Variants in CDH12 observed in about 807,000 individuals in gnomAD.
CDH12 encodes the protein cadherin-12.
CDH12 carries 41 observed loss-of-function variants against 74.1 expected under a neutral mutation model. The observed-to-expected ratio is 0.55, with a 90% CI of 0.43 to 0.72. The LOEUF (loss-of-function observed/expected upper bound fraction) is 0.72. Among genes scored for constraint, CDH12 ranks in the 30% least tolerant of loss-of-function variants. The pLI is 0.00. For synonymous variants in CDH12, 399 were observed against 355.0 expected, an observed-to-expected ratio of 1.12 and a Z score of -1.39; for missense variants, 945 against 977.2, an observed-to-expected ratio of 0.97 and a Z score of 0.44.
At chr5:22,556,033 A>C (rs1738788514) in intron 1 of CDH12, among the ~76,000 whole-genome samples, 1 of 151,476 alleles carries the variant, frequency 6.6e-6, no homozygotes, top group Non-Finnish European at 1.5e-5. Flanking sequence ...AATCAGCTAC[A>C]TTCCTTTATT....
intron 6 of CDH12, among the ~76,000 whole-genome samples, chr5:21,948,187 G>A (rs1755665364): frequency 6.6e-6 from 1 of 152,186 alleles, no homozygotes; most frequent in South Asian, 2.1e-4. Context: ...TCCCCACTGG[G>A]GCACTGCCTA....
intron 4 of CDH12, among the ~76,000 whole-genome samples, chr5:22,175,615 T>C (rs58309247): frequency 0.043 from 6,517 of 152,108 alleles, 470 homozygotes; most frequent in African/African-American, 0.15. Flanking sequence ...GAAAATAAAA[T>C]AATGCAGCTA....
intron 4 of CDH12, among the ~76,000 whole-genome samples, chr5:22,140,008 C>A (rs1580311085): frequency 6.6e-6 from 1 of 152,014 alleles, no homozygotes; most frequent in South Asian, 2.1e-4. Context: ...GGCAGCTGCA[C>A]CAAACGGCCT....
intron 3 of CDH12, among the ~76,000 whole-genome samples, chr5:22,226,837 C>T (rs527441080): frequency 6.6e-6 from 1 of 151,960 alleles, no homozygotes; most frequent in Non-Finnish European, 1.5e-5. Flanking sequence ...TATGTGAATG[C>T]AGGGGATGCC....
rs1391406201 is a variant in CDH12 at position 22,796,714 on chromosome 5, G to A, written c.-523+56344C>T. On this transcript the variant is annotated intron_variant, in intron 1 of 14. Transcript: ENST00000382254. ...TTTTTGTATTTTTAGTAGAGACGGGGTTTCACCGTTTTAGCCGGGATGGTC... is the reference window on the plus strand; with the variant it reads ...TTTTTGTATTTTTAGTAGAGACGGGATTTCACCGTTTTAGCCGGGATGGTC... Among the ~76,000 whole-genome samples, 3 of 111,736 alleles carry A rather than the reference G, an allele frequency of 2.7e-5. 1 individual carries two copies. Among genetic ancestry groups the A allele is most frequent in the Non-Finnish European group, 5.3e-5 (3 of 56,772 alleles). The allele number at this position is 111,736 out of a possible 152,430, so 73.3% of individuals were successfully genotyped here.
rs201758223 is a variant in CDH12 at position 22,651,818 on chromosome 5, T to A, written c.-522-146454A>T. 5.9e-5 allele frequency among the ~76,000 whole-genome samples: 9 copies of A among 152,206 alleles called. No homozygotes were observed. The East Asian group carries it at 1.7e-3, about 29-fold the overall frequency. On this transcript the variant is annotated intron_variant, in intron 1 of 14. Coordinates refer to ENST00000382254, the MANE Select transcript of CDH12 (RefSeq NM_004061.5). ...TTGTACGCTTTTCAATGGTTGAATT[T>A]TATGGTCTGTGAATTATATCTTAAT...
intron 1 of CDH12, among the ~76,000 whole-genome samples, chr5:22,830,177 T>C (rs749706319): frequency 1.3e-5 from 2 of 152,152 alleles, no homozygotes; most frequent in African/African-American, 2.4e-5. Flanking sequence ...GAAACATGAA[T>C]TTCCGTCATG....
At chr5:22,275,905 A>T (rs888145245) in intron 3 of CDH12, among the ~76,000 whole-genome samples, 2 of 152,186 alleles carry the variant, frequency 1.3e-5, no homozygotes, top group African/African-American at 4.8e-5. Context: ...TTGGTGACAG[A>T]GTAGTGTCCT....
chr5:22,688,665 T>C (rs1301818044), intron 1 of CDH12, among the ~76,000 whole-genome samples: 1 of 152,108 alleles, frequency 6.6e-6, no homozygotes, highest in East Asian at 1.9e-4. Context: ...GAAAAGCAAA[T>C]GTAAGAAACA....
chr5:21,788,115 A>G (rs1363854305), intron 10 of CDH12, among the ~76,000 whole-genome samples: 1 of 152,208 alleles, frequency 6.6e-6, no homozygotes, highest in Non-Finnish European at 1.5e-5. Flanking sequence ...TATGATGCCC[A>G]TCAGTGAAGA....
intron 1 of CDH12, among the ~76,000 whole-genome samples, chr5:22,695,032 C>T (rs913333038): frequency 3.9e-5 from 6 of 151,996 alleles, no homozygotes; most frequent in Non-Finnish European, 1.5e-5. Context: ...ATGTTCCCCT[C>T]CCTGTGTCCA....
At chr5:21,792,719 C>T (rs781723209) in intron 10 of CDH12, among the ~76,000 whole-genome samples, 14 of 147,648 alleles carry the variant, frequency 9.5e-5, no homozygotes, top group Non-Finnish European at 2.1e-4. Context: ...TGTATTTTGT[C>T]TTTAACTCAG....
At chr5:22,800,984 A>G (rs1282535100) in intron 1 of CDH12, among the ~76,000 whole-genome samples, 3 of 152,096 alleles carry the variant, frequency 2.0e-5, no homozygotes, top group Admixed American at 2.0e-4. Context: ...ATCCATAATT[A>G]TGAATAGAGC....
At chr5:22,391,087 A>C (rs1165689928) in intron 3 of CDH12, among the ~76,000 whole-genome samples, 1 of 152,094 alleles carries the variant, frequency 6.6e-6, no homozygotes, top group Non-Finnish European at 1.5e-5. Flanking sequence ...CACTCAGCAG[A>C]GGATGATGCT....
chr5:22,438,558 A>G (rs531011595), intron 2 of CDH12, among the ~76,000 whole-genome samples: 1 of 151,990 alleles, frequency 6.6e-6, no homozygotes, highest in Non-Finnish European at 1.5e-5. Flanking sequence ...CACATATGCT[A>G]CTCAAATTTG....
intron 1 of CDH12, among the ~76,000 whole-genome samples, chr5:22,849,484 G>A (rs898106253): frequency 1.3e-5 from 2 of 152,096 alleles, no homozygotes; most frequent in African/African-American, 2.4e-5. Context: ...TGCTTTGCCG[G>A]TAAGTCTAAA....
chr5:22,291,073 T>A (rs959714306), intron 3 of CDH12, among the ~76,000 whole-genome samples: 1 of 152,226 alleles, frequency 6.6e-6, no homozygotes, highest in Non-Finnish European at 1.5e-5. Context: ...CATACATAAA[T>A]CAATAGATGT....
At chr5:22,222,893 T>C (rs933889536) in intron 3 of CDH12, among the ~76,000 whole-genome samples, 1 of 151,986 alleles carries the variant, frequency 6.6e-6, no homozygotes, top group Non-Finnish European at 1.5e-5. Flanking sequence ...AGTAACCCTT[T>C]TGTAACTAAT....
chr5:22,352,882 T>C (rs1211619011), intron 3 of CDH12, among the ~76,000 whole-genome samples: 4 of 152,176 alleles, frequency 2.6e-5, no homozygotes, highest in Non-Finnish European at 4.4e-5. Context: ...AGAATCAAAA[T>C]ACTAAGACTA....
Sources: gnomAD v4.1 joint callset for allele counts (sites outside exome capture counted in the v4.1 genomes callset) on GRCh38, gnomAD v4.1.1 for gene constraint, MANE v1.5 for transcripts, NCBI Gene and HGNC (gene_info 2026-07-23, HGNC 2026-07-21) for gene names.